ADAMTS9: variants seen among roughly 807,000 people sequenced by gnomAD.
The protein encoded by ADAMTS9 is ADAM metallopeptidase with thrombospondin type 1 motif 9, also known as A disintegrin and metalloproteinase with thrombospondin motifs 9.
A neutral mutation model predicts 257.1 loss-of-function variants in ADAMTS9; 107 were observed. That is an observed-to-expected ratio of 0.42 (90% CI 0.36 to 0.49). The LOEUF is 0.49. ADAMTS9 is among the 20% of genes least tolerant of loss of function. The probability of loss-of-function intolerance (pLI) is 0.03; values close to 1 mark genes in which losing one functional copy is unlikely to be tolerated. For missense variants in ADAMTS9, 2,353 were observed against 2,469.1 expected (o/e 0.95, Z 1.00); for synonymous variants, 982 against 880.9 (o/e 1.11, Z -2.03).
intron 12 of ADAMTS9, 64 bp from the exon 13 acceptor site, chr3:64,633,943 T>C: frequency 7.1e-7 from 1 of 1,411,168 alleles, no homozygotes; most frequent in South Asian, 1.3e-5. Context: ...TGAACATCAC[T>C]CCTTCATTCA....
At position 64,654,457 on chromosome 3, in the gene ADAMTS9, G is replaced by T. The variant is rs542171428; in HGVS notation, c.1212C>A (p.Gly404=). Residue 404 remains glycine, a splice_region_variant and synonymous_variant, in exon 8 of 40, where the codon GGC becomes GGA. Transcript: ENST00000498707. ...CACAAATGGTTCCCAGTTCAGCCAG[G>T]CCTATTAGAAGGAAAAAAACCAACA... ...CRAHDKCDTL[G]LAELGTICDP... The T allele has an allele frequency of 7.4e-6, 12 of 1,613,746 alleles. No individual in the cohort carries two copies. In the South Asian group the frequency reaches 1.1e-4, roughly 15 times the overall value.
Position 64,622,436 on chromosome 3 carries a change from T to C in ADAMTS9, c.2540A>G (p.Gln847Arg), listed in dbSNP as rs773386502. 8.7e-6 allele frequency: 14 copies of C among 1,614,006 alleles called. No homozygotes were observed. In the South Asian group the frequency reaches 1.3e-4, roughly 15 times the overall value. The change falls in exon 17 of 40, where the codon CAA becomes CGA. Residue 847 changes from glutamine (Q) to arginine (R), a missense_variant. Physicochemically the swap from Gln to Arg is conservative, Grantham distance 43. Coordinates refer to ENST00000498707, the MANE Select transcript of ADAMTS9 (RefSeq NM_182920.2). ...AGTTTTTACCTGAAGCAAAAGTTCT[T>C]GCTCAATGCGATCTGTTGAGTTAAT... ...ERINSTDRIE[Q>R]ELLLQVLSVG...
chr3:64,687,391 G>T lies in ADAMTS9; in HGVS notation c.115+152C>A. 2 of 705,534 alleles carry T rather than the reference G, an allele frequency of 2.8e-6. No individual in the cohort carries two copies. The highest frequency in any genetic ancestry group is 3.0e-5 in the East Asian group (1 of 32,946). 43.7% of individuals were successfully genotyped at this position (705,534 alleles called of 1,614,324 possible). A position where few individuals can be genotyped will look rare whatever the true frequency, so the allele number is the denominator to read the frequency against. ...TGTCCCTCCCTAGCAATTGGTTGGG[G>T]ATGACCCAAAGAAGGGAGAGGCTGC... On this transcript the variant is annotated intron_variant, in intron 1 of 39. Transcript: ENST00000498707. This position sits in a 1 kb window ranked among gnomAD's most constrained non-coding sequence, Gnocchi z 4.4.
intron 4 of ADAMTS9, 155 bp from the exon 5 acceptor site, chr3:64,656,030 G>T: frequency 3.8e-6 from 2 of 524,628 alleles, no homozygotes; most frequent in Non-Finnish European, 6.9e-6. Flanking sequence ...AACACTTTTT[G>T]TAAAGTCTCT....
chr3:64,639,124 C>G (rs1700572714), intron 12 of ADAMTS9, among the ~76,000 whole-genome samples: 1 of 151,912 alleles, frequency 6.6e-6, no homozygotes, highest in Non-Finnish European at 1.5e-5. Flanking sequence ...ATCTGATTTT[C>G]CCTTTTCTGT....
chr3:64,606,900 T>A, intron 23 of ADAMTS9, 60 bp downstream of exon 23: 1 of 1,601,162 alleles, frequency 6.2e-7, no homozygotes, highest in Non-Finnish European at 8.5e-7. Flanking sequence ...TCTAAACAGC[T>A]GGGCAGTTTG....
At chr3:64,520,873 G>T (rs2082843407) in intron 39 of ADAMTS9, among the ~76,000 whole-genome samples, 1 of 152,068 alleles carries the variant, frequency 6.6e-6, no homozygotes, top group African/African-American at 2.4e-5. Context: ...ATACTCTTCT[G>T]AACATTGGCC....
chr3:64,556,498 C>A (rs1463821770), intron 30 of ADAMTS9, among the ~76,000 whole-genome samples: 2 of 151,958 alleles, frequency 1.3e-5, no homozygotes, highest in African/African-American at 4.8e-5. Context: ...TTTTTTCTAT[C>A]TTTTGTAGAG....
intron 28 of ADAMTS9, among the ~76,000 whole-genome samples, chr3:64,578,823 C>G (rs990440885): frequency 5.9e-5 from 9 of 152,104 alleles, no homozygotes; most frequent in Non-Finnish European, 1.0e-4. Context: ...CTCAGCTAAT[C>G]CTTTGGCACT....
In ADAMTS9 at chr3:64,602,263, T is replaced by A. The variant is rs756574652; in HGVS notation, c.3748-50A>T. ...AAGGGTCAGTCATTTGGTGGAGGGG[T>A]TGACAATTCCTGAATGTGCATTTCT... is the stretch of plus-strand genomic sequence containing the variant. On this transcript the variant is annotated intron_variant, in intron 25 of 39. Coordinates refer to ENST00000498707, the MANE Select transcript of ADAMTS9 (RefSeq NM_182920.2). 3.1e-6 allele frequency: 5 copies of A among 1,589,890 alleles called. No individual in the cohort carries two copies. In the Admixed American group the frequency reaches 6.8e-5, roughly 22 times the overall value.
chr3:64,572,751 C>T (rs1165499926), intron 28 of ADAMTS9, among the ~76,000 whole-genome samples: 4 of 152,068 alleles, frequency 2.6e-5, no homozygotes, highest in Admixed American at 6.5e-5. Flanking sequence ...CAGAAAGAGG[C>T]TTCTGGGTGG....
At chr3:64,624,405 G>C (rs1700179843) in intron 16 of ADAMTS9, among the ~76,000 whole-genome samples, 1 of 152,072 alleles carries the variant, frequency 6.6e-6, no homozygotes, top group Non-Finnish European at 1.5e-5. Context: ...CTGTATAGGA[G>C]TATAAAAACA....
chr3:64,604,007 G>C lies in ADAMTS9; in HGVS notation c.3662C>G (p.Ala1221Gly). 1 of 1,614,038 alleles carries C rather than the reference G, an allele frequency of 6.2e-7. No homozygotes were observed. Among genetic ancestry groups the C allele is most frequent in the South Asian group, 1.1e-5 (1 of 91,080 alleles). ...DENGSVADES[A>G]CATLPRPVAK... ...CACTGGTCTAGGCAGGGTAGCACAG[G>C]CACTCTCGTCAGCCACAGAGCCATT... Residue 1221 changes from alanine to glycine, a missense_variant, in exon 25 of 40, where the codon GCC (alanine) becomes GGC (glycine). This residue lies in a region of ADAMTS9 where 1,402 missense variants were observed against 1,441.4 expected (regional missense o/e 0.97). Coordinates refer to ENST00000498707, the MANE Select transcript of ADAMTS9 (RefSeq NM_182920.2).
chr3:64,581,876 C>A (rs1164306874), intron 28 of ADAMTS9, among the ~76,000 whole-genome samples: 1 of 152,112 alleles, frequency 6.6e-6, no homozygotes, highest in Non-Finnish European at 1.5e-5. Flanking sequence ...GTGTAGGTCC[C>A]ACCATAAAAT....
intron 28 of ADAMTS9, among the ~76,000 whole-genome samples, chr3:64,577,329 T>C (rs550124544): frequency 6.6e-6 from 1 of 152,288 alleles, no homozygotes; most frequent in African/African-American, 2.4e-5. Context: ...TTGCCTGTTT[T>C]TGTAGGACTT....
chr3:64,560,966 T>A (rs1036440448), intron 30 of ADAMTS9, among the ~76,000 whole-genome samples: 1 of 152,132 alleles, frequency 6.6e-6, no homozygotes, highest in Admixed American at 6.5e-5. Context: ...ATGGACACAA[T>A]GTTTTCCTTA....
Position 64,518,908 on chromosome 3 carries a change from G to A in ADAMTS9, c.*6-1787C>T, listed in dbSNP as rs539509974. ...TTCTCCTGCCTCAGGCTCCCAAGTA[G>A]CTAGGACTACAGGCATGTGCCAACA... On this transcript the variant is annotated intron_variant, in intron 39 of 39. Transcript: ENST00000498707. Among the ~76,000 whole-genome samples, 24 of 151,356 alleles carry A rather than the reference G, an allele frequency of 1.6e-4. No individual in the cohort carries two copies. The South Asian group carries it at 2.3e-3, about 14-fold the overall frequency.
intron 22 of ADAMTS9, among the ~76,000 whole-genome samples, chr3:64,608,274 A>C (rs1047098479): frequency 6.6e-6 from 1 of 151,000 alleles, no homozygotes; most frequent in East Asian, 1.9e-4. Flanking sequence ...AAAAAAAAAA[A>C]AACAAGAAAA....
chr3:64,609,149 A>C (rs1042316052), intron 22 of ADAMTS9, among the ~76,000 whole-genome samples: 7 of 152,118 alleles, frequency 4.6e-5, no homozygotes, highest in African/African-American at 1.7e-4. Context: ...TAGGAAAAAA[A>C]CCCACAGCTA....
Sources: gnomAD v4.1 joint callset for allele counts (sites outside exome capture counted in the v4.1 genomes callset) on GRCh38, gnomAD v4.1.1 for gene constraint, gnomAD v4.1.1 regional missense constraint, Gnocchi (gnomAD v3.1) non-coding constraint, MANE v1.5 for transcripts, NCBI Gene and HGNC (gene_info 2026-07-23, HGNC 2026-07-21) for gene names.